Variants in STIL observed in about 807,000 individuals in gnomAD.
The protein encoded by STIL is STIL centriolar assembly protein.
A neutral mutation model predicts 110.1 loss-of-function variants in STIL; 55 were observed. The ratio of observed to expected loss-of-function variants is 0.50; its 90% confidence interval spans 0.40 to 0.63. STIL has a LOEUF of 0.63. Among genes scored for constraint, STIL ranks in the 20% least tolerant of loss-of-function variants. The probability of loss-of-function intolerance (pLI) is 0.00; values close to 1 mark genes in which losing one functional copy is unlikely to be tolerated. For missense variants in STIL, 1,358 were observed against 1,530.0 expected, an observed-to-expected ratio of 0.89 and a Z score of 1.87; for synonymous variants, 481 against 530.0, an observed-to-expected ratio of 0.91 and a Z score of 1.27.
At chr1:47,295,065 G>A (rs761855359) in intron 7 of STIL, among the ~76,000 whole-genome samples, 3 of 152,018 alleles carry the variant, frequency 2.0e-5, no homozygotes, top group Non-Finnish European at 2.9e-5. Context: ...GGGATTACAG[G>A]CACGCACCAC....
At chr1:47,301,506 A>C (rs1645802986) in intron 5 of STIL, 55 bp downstream of exon 5, 2 of 1,492,434 alleles carry the variant, frequency 1.3e-6, no homozygotes, top group Non-Finnish European at 9.3e-7. Context: ...ACAGCATACT[A>C]AACATAGTTT....
chr1:47,260,651 T>C (rs1644459119), intron 15 of STIL, 112 bp from the exon 16 acceptor site: 2 of 1,160,636 alleles, frequency 1.7e-6, no homozygotes, highest in South Asian at 2.6e-5. Context: ...GGCAGGAAGA[T>C]CGCTTGAGCC....
Position 47,276,066 on chromosome 1 carries a change from G to T in STIL, c.2218-3825C>A, listed in dbSNP as rs577793356. 2.0e-5 allele frequency among the ~76,000 whole-genome samples: 3 copies of T among 151,166 alleles called. No homozygotes were observed. The East Asian group carries it at 5.9e-4, about 29-fold the overall frequency. On this transcript the variant is annotated intron_variant, in intron 12 of 16. Coordinates refer to ENST00000371877, the MANE Select transcript of STIL (RefSeq NM_001048166.1). ...CGCCCAGGCTGGAGTGCAGTGGTGT[G>T]ATCTTGGCTCACTGCAATTTCCGCC...
At chr1:47,295,484 G>A (rs944572426) in intron 7 of STIL, among the ~76,000 whole-genome samples, 1 of 152,056 alleles carries the variant, frequency 6.6e-6, no homozygotes, top group African/African-American at 2.4e-5. Flanking sequence ...GGAGGCTGAA[G>A]CACGAGAATC....
rs1021532497 is a variant in STIL, at chr1:47,300,001, G to A, written c.605C>T (p.Thr202Ile). 7 of 1,613,990 alleles carry A rather than the reference G, an allele frequency of 4.3e-6. No individual in the cohort carries two copies. The highest frequency in any genetic ancestry group is 2.7e-5 in the African/African-American group (2 of 74,916). Reference sequence around the variant, plus strand: ...AATAATGGGGATGGGCTTCACAGGTGTGCATTTAAAGTTATTTGCTAGAGT... The same window carrying A: ...AATAATGGGGATGGGCTTCACAGGTATGCATTTAAAGTTATTTGCTAGAGT... ...AVTLANNFKC[T>I]PVKPIPIIPT... is the part of the protein sequence containing the mutation. Residue 202 changes from threonine to isoleucine, a missense_variant, in exon 6 of 17, where the codon ACA becomes ATA. Coordinates refer to ENST00000371877, the MANE Select transcript of STIL (RefSeq NM_001048166.1).
Position 47,312,196 on chromosome 1 carries a change from A to G in STIL, c.-43-1834T>C, listed in dbSNP as rs367653627. ...CAAGACAGAGAAAAACGTGCTTCTA[A>G]TAAAATTGACTAGGCCGGACACGGT... On this transcript the variant is annotated intron_variant, in intron 1 of 16. Coordinates refer to ENST00000371877, the MANE Select transcript of STIL (RefSeq NM_001048166.1). Among the ~76,000 whole-genome samples the G allele has an allele frequency of 6.6e-5, 10 of 152,198 alleles. No individual in the cohort carries two copies. In the East Asian group the frequency reaches 1.9e-3, roughly 30 times the overall value.
rs1644529651 is a variant in STIL, at chr1:47,263,027, T to C, written c.2705A>G (p.Gln902Arg). Residue 902 changes from glutamine to arginine, a missense_variant, in exon 15 of 17, where the codon CAG becomes CGG. Gln to Arg is a conservative substitution (Grantham distance 43). Transcript: ENST00000371877. ...QLAESVSMCL[Q>R]TGPTGGASNN... ...ACTGGCACCCCCTGTTGGTCCAGTC[T>C]GTAAACACATGCTTACACTTTCTGC... is the stretch of plus-strand genomic sequence containing the variant. 2 of 1,614,108 alleles carry C rather than the reference T, an allele frequency of 1.2e-6. No individual in the cohort carries two copies. The highest frequency in any genetic ancestry group is 8.5e-7 in the Non-Finnish European group (1 of 1,180,044).
At chr1:47,293,956 G>A (rs1178505917) in intron 7 of STIL, among the ~76,000 whole-genome samples, 2 of 152,202 alleles carry the variant, frequency 1.3e-5, no homozygotes, top group Non-Finnish European at 2.9e-5. Context: ...CAGAGTTGCT[G>A]AGGATTAAAT....
At chr1:47,312,780 C>G (rs1460387707) in intron 1 of STIL, among the ~76,000 whole-genome samples, 5 of 152,166 alleles carry the variant, frequency 3.3e-5, no homozygotes, top group Non-Finnish European at 7.3e-5. Context: ...GTACAAGCCA[C>G]TAAAGGTAAT....
At chr1:47,264,337 TAAATA>T (rs1644574417) in intron 14 of STIL, among the ~76,000 whole-genome samples, 2 of 151,672 alleles carry the variant, frequency 1.3e-5, no homozygotes, top group Non-Finnish European at 2.9e-5. Context: ...CCAAAATAAA[TAAATA>T]AATGTCTACA....
chr1:47,260,499 G>C lies in STIL; in HGVS notation c.2870C>G (p.Thr957Ser), dbSNP rs1403363752. 1.2e-6 allele frequency: 2 copies of C among 1,614,136 alleles called. No individual in the cohort carries two copies. The highest frequency in any genetic ancestry group is 2.7e-5 in the African/African-American group (2 of 75,010). The change falls in exon 16 of 17, where the codon ACT (threonine) becomes AGT (serine). Residue 957 changes from threonine (T) to serine (S), a missense_variant. By Grantham distance (58) the Thr-to-Ser change is moderately conservative. Transcript: ENST00000371877. The part of the protein sequence containing the change: ...NHLLNSSSKE[T>S]EQPSTKAVII... ...TACTGCTTTGGTAGACGGCTGCTCA[G>C]TTTCCTTGGAGGAACTATTTAATAG... is the stretch of plus-strand genomic sequence containing the variant.
chr1:47,267,313 G>C (rs1202771497), intron 14 of STIL, among the ~76,000 whole-genome samples: 1 of 152,188 alleles, frequency 6.6e-6, no homozygotes, highest in African/African-American at 2.4e-5. Flanking sequence ...TAGGAGCTTT[G>C]CCTAACCTAG....
chr1:47,272,073 T>G lies in STIL; in HGVS notation c.2383+3A>C. The stretch of plus-strand genomic sequence containing the variant: ...TTACAAATTAAAAAAAAACTGAAAT[T>G]ACCTGTGCTCACAGCAATGCTTACA... On this transcript the variant is annotated splice_donor_region_variant and intron_variant, in intron 13 of 16. Coordinates refer to ENST00000371877, the MANE Select transcript of STIL (RefSeq NM_001048166.1). 6.2e-7 allele frequency: 1 copy of G among 1,613,812 alleles called. No individual in the cohort carries two copies. Among genetic ancestry groups the G allele is most frequent in the Non-Finnish European group, 8.5e-7 (1 of 1,179,866 alleles).
intron 16 of STIL, among the ~76,000 whole-genome samples, chr1:47,258,699 A>T (rs1644391226): frequency 6.6e-6 from 1 of 152,050 alleles, no homozygotes; most frequent in Non-Finnish European, 1.5e-5. Context: ...ATAGCAAGAC[A>T]CCATCTCTGC....
intron 14 of STIL, among the ~76,000 whole-genome samples, chr1:47,264,723 A>G (rs1235098967): frequency 6.6e-6 from 1 of 152,162 alleles, no homozygotes; most frequent in Non-Finnish European, 1.5e-5. Context: ...AATCAGACCA[A>G]AAGTGCGAGA....
chr1:47,284,715 C>A (rs752145281), intron 10 of STIL, among the ~76,000 whole-genome samples: 5 of 151,980 alleles, frequency 3.3e-5, no homozygotes, highest in Non-Finnish European at 7.4e-5. Context: ...CATGGTGAAA[C>A]CCCATCTCTA....
At chr1:47,269,891 C>G (rs747290053) in intron 13 of STIL, 25 bp from the exon 14 acceptor site, 12 of 1,577,820 alleles carry the variant, frequency 7.6e-6, no homozygotes, top group Admixed American at 3.3e-5. Context: ...ATTTAAGATA[C>G]TGAAACAAAC....
intron 10 of STIL, among the ~76,000 whole-genome samples, chr1:47,287,184 G>A (rs774915808): frequency 2.4e-4 from 36 of 152,004 alleles, no homozygotes; most frequent in Non-Finnish European, 3.8e-4. Flanking sequence ...CCAATACAGC[G>A]AGACCCCACC....
Position 47,251,765 on chromosome 1 carries a change from G to A in STIL, c.3238C>T (p.Gln1080Ter), listed in dbSNP as rs979231514. The A allele has an allele frequency of 1.2e-6, 2 of 1,613,722 alleles. No homozygotes were observed. The highest frequency in any genetic ancestry group is 2.7e-5 in the African/African-American group (2 of 74,914). ...LKYLNENQLS[Q>*]LSVTRSNQNN... is the part of the protein sequence containing the mutation. ...TGGTTCGATCGAGTGACAGACAGTT[G>A]TGACAGCTGATTTTCATTTAAATAT... The change falls in exon 17 of 17, where the codon CAA becomes TAA. Residue 1080 changes from glutamine (Q) to a stop codon, truncating the protein, a stop_gained. Coordinates refer to ENST00000371877, the MANE Select transcript of STIL (RefSeq NM_001048166.1). LOFTEE classifies it high-confidence loss of function.
Sources: allele counts gnomAD v4.1 joint callset (sites outside exome capture counted in the v4.1 genomes callset), GRCh38; gene constraint gnomAD v4.1.1; transcripts MANE v1.5; gene names NCBI Gene and HGNC (gene_info 2026-07-23, HGNC 2026-07-21).